The following PDE10A variants were observed in gnomAD, a reference collection of about 807,000 sequenced individuals.
PDE10A encodes the protein cAMP and cAMP-inhibited cGMP 3',5'-cyclic phosphodiesterase 10A.
In PDE10A, 39 loss-of-function variants were observed where a neutral mutation model predicts 97.7. The observed-to-expected ratio is 0.40, with a 90% CI of 0.31 to 0.52. The LOEUF is 0.52. Among genes scored for constraint, PDE10A ranks in the 20% least tolerant of loss-of-function variants. The probability of loss-of-function intolerance (pLI) is 0.56; values close to 1 mark genes in which losing one functional copy is unlikely to be tolerated. For missense variants in PDE10A, 731 were observed against 1,047.8 expected (o/e 0.70, Z 4.17); for synonymous variants, 371 against 376.8 (o/e 0.98, Z 0.18).
chr6:165,389,072 C>A (rs220800), intron 16 of PDE10A, among the ~76,000 whole-genome samples: 122,443 of 152,070 alleles, frequency 0.81, 50,144 homozygotes, highest in African/African-American at 0.94. Context: ...AAGAGCACGC[C>A]GGGCAGGGGA....
intron 2 of PDE10A, among the ~76,000 whole-genome samples, chr6:165,488,694 G>A (rs1488365599): frequency 6.6e-6 from 1 of 152,086 alleles, no homozygotes; most frequent in Non-Finnish European, 1.5e-5. Flanking sequence ...TGTACCCTGG[G>A]GCAAGTTCTC....
chr6:165,971,252 T>A (rs1383719530), intron 1 of PDE10A, among the ~76,000 whole-genome samples: 1 of 152,170 alleles, frequency 6.6e-6, no homozygotes, highest in Non-Finnish European at 1.5e-5. Context: ...GATTGTTAAA[T>A]ACATGATTGA....
At position 165,404,977 on chromosome 6, in the gene PDE10A, A is replaced by C. The variant is rs537354791; in HGVS notation, c.2077-8518T>G. 4.6e-5 allele frequency among the ~76,000 whole-genome samples: 7 copies of C among 152,200 alleles called. No homozygotes were observed. In the South Asian group the frequency reaches 1.4e-3, roughly 32 times the overall value. Reference sequence around the variant, plus strand: ...CACTTTCTTAAAGACAGGCCCAAGCACCTACTGTCTATGGCACCATAGAGA... The same window carrying C: ...CACTTTCTTAAAGACAGGCCCAAGCCCCTACTGTCTATGGCACCATAGAGA... On this transcript the variant is annotated intron_variant, in intron 13 of 21. Transcript: ENST00000539869.
At chr6:165,825,227 T>C (rs115973288) in intron 1 of PDE10A, among the ~76,000 whole-genome samples, 5,164 of 151,762 alleles carry the variant, frequency 0.034, 305 homozygotes, top group African/African-American at 0.12. Context: ...CCGTTCCTGA[T>C]GTGAGCAGGG....
intron 3 of PDE10A, among the ~76,000 whole-genome samples, chr6:165,472,575 A>G (rs1444678582): frequency 6.6e-6 from 1 of 152,132 alleles, no homozygotes; most frequent in Non-Finnish European, 1.5e-5. Context: ...TATTCTGGCT[A>G]TATCTCTCAG....
rs1242756644 is a variant in PDE10A at position 165,556,770 on chromosome 6, A to G, written c.866-13202T>C. ...CTGGGAGTCTAGAATCACTTTCCACATTTAAAATAAGAATTTAAAATCTAT... is the reference window on the plus strand; with the variant it reads ...CTGGGAGTCTAGAATCACTTTCCACGTTTAAAATAAGAATTTAAAATCTAT... On this transcript the variant is annotated intron_variant, in intron 1 of 21. Transcript: ENST00000539869. 2.0e-5 allele frequency among the ~76,000 whole-genome samples: 3 copies of G among 152,302 alleles called. No individual in the cohort carries two copies. In the East Asian group the frequency reaches 5.8e-4, roughly 29 times the overall value.
chr6:165,368,076 A>G (rs1482530832), intron 18 of PDE10A, among the ~76,000 whole-genome samples: 1 of 152,118 alleles, frequency 6.6e-6, no homozygotes, highest in East Asian at 1.9e-4. Flanking sequence ...GCTCACTGCT[A>G]CCTCTACCTC....
chr6:165,642,368 C>G (rs1229552527), intron 1 of PDE10A, among the ~76,000 whole-genome samples: 1 of 152,240 alleles, frequency 6.6e-6, no homozygotes, highest in Non-Finnish European at 1.5e-5. Context: ...GGACGTCCAT[C>G]TGTGCACCAC....
intron 1 of PDE10A, among the ~76,000 whole-genome samples, chr6:165,693,414 T>C (rs4709967): frequency 0.098 from 14,770 of 150,214 alleles, 1,193 homozygotes; most frequent in East Asian, 0.26. Context: ...GCCTGTAGTC[T>C]CATCTACTTG....
At chr6:165,694,171 A>G (rs1791382628) in intron 1 of PDE10A, among the ~76,000 whole-genome samples, 1 of 152,250 alleles carries the variant, frequency 6.6e-6, no homozygotes, top group Non-Finnish European at 1.5e-5. Flanking sequence ...GCACACGTAT[A>G]TCTCATCATA....
At chr6:165,937,527 A>G (rs1783374358) in intron 1 of PDE10A, among the ~76,000 whole-genome samples, 1 of 152,224 alleles carries the variant, frequency 6.6e-6, no homozygotes, top group Non-Finnish European at 1.5e-5. Context: ...TTTTTATATC[A>G]CTTAATATTT....
At chr6:165,641,532 A>C (rs1328222951) in intron 1 of PDE10A, among the ~76,000 whole-genome samples, 2 of 119,924 alleles carry the variant, frequency 1.7e-5, no homozygotes, top group African/African-American at 5.1e-5. Flanking sequence ...CTTCCCCAGC[A>C]ATGCTGGCTC....
At chr6:165,979,775 T>C (rs1009900543) in intron 1 of PDE10A, among the ~76,000 whole-genome samples, 1 of 152,222 alleles carries the variant, frequency 6.6e-6, no homozygotes, top group African/African-American at 2.4e-5. Flanking sequence ...TCTCGAAATA[T>C]ATAAAATGTG....
At chr6:165,634,296 GGA>G (rs2128416509) in intron 1 of PDE10A, among the ~76,000 whole-genome samples, 1 of 152,206 alleles carries the variant, frequency 6.6e-6, no homozygotes, top group Non-Finnish European at 1.5e-5. Flanking sequence ...AGGAGTGTGC[GGA>G]GTGTATCTGT....
intron 1 of PDE10A, among the ~76,000 whole-genome samples, chr6:165,837,764 C>A (rs145115546): frequency 0.013 from 1,859 of 148,250 alleles, 42 homozygotes; most frequent in African/African-American, 0.042. Context: ...CGGCTCACTG[C>A]AAGCTCCGCC....
chr6:165,341,748 T>C (rs1018577145), intron 19 of PDE10A, among the ~76,000 whole-genome samples: 6 of 152,188 alleles, frequency 3.9e-5, no homozygotes, highest in African/African-American at 1.4e-4. Context: ...AGTGTAACTC[T>C]GTATAGGTGC....
intron 3 of PDE10A, among the ~76,000 whole-genome samples, chr6:165,470,115 C>T (rs1778901997): frequency 6.6e-6 from 1 of 152,154 alleles, no homozygotes; most frequent in Non-Finnish European, 1.5e-5. Context: ...GCTCACGGAT[C>T]TGCTGGTGAG....
intron 1 of PDE10A, among the ~76,000 whole-genome samples, chr6:165,621,276 T>C (rs1788118321): frequency 6.7e-6 from 1 of 150,038 alleles, no homozygotes. Flanking sequence ...CAATGAATCC[T>C]CACCTAGCAA....
At chr6:165,958,585 GAA>G (rs1295655524) in intron 1 of PDE10A, among the ~76,000 whole-genome samples, 13 of 99,400 alleles carry the variant, frequency 1.3e-4, no homozygotes, top group Admixed American at 1.0e-3. Flanking sequence ...AAGAAAGACA[GAA>G]AGAGAGAAAG....
Sources: gnomAD v4.1 joint callset for allele counts (sites outside exome capture counted in the v4.1 genomes callset) on GRCh38, gnomAD v4.1.1 for gene constraint, MANE v1.5 for transcripts, NCBI Gene and HGNC (gene_info 2026-07-23, HGNC 2026-07-21) for gene names.